The following ADGRL1 variants were observed in gnomAD, a reference collection of about 807,000 sequenced individuals.
The protein encoded by ADGRL1 is adhesion G protein-coupled receptor L1.
ADGRL1 carries 31 observed loss-of-function variants against 148.9 expected under a neutral mutation model. The observed-to-expected ratio is 0.21, with a 90% confidence interval of 0.16 to 0.28. The LOEUF (loss-of-function observed/expected upper bound fraction) is 0.28, where lower values mean the gene tolerates loss of function less well. Among genes scored for constraint, ADGRL1 ranks in the 10% least tolerant of loss-of-function variants. The pLI, the probability that ADGRL1 is intolerant of heterozygous loss-of-function variation, is 1.00. For synonymous variants in ADGRL1, 937 were observed against 900.3 expected (o/e 1.04, Z -0.73); for missense variants, 1,521 against 2,058.8 (o/e 0.74, Z 5.05).
chr19:14,155,965 A>G lies in ADGRL1; in HGVS notation c.3125+145T>C, dbSNP rs1469943631. 2 of 662,226 alleles carry G rather than the reference A, an allele frequency of 3.0e-6. No homozygotes were observed. Among genetic ancestry groups the G allele is most frequent in the Admixed American group, 2.2e-5 (1 of 45,672 alleles). The allele number at this position is 662,226 out of a possible 1,614,324, so 41.0% of individuals were successfully genotyped here. A position where few individuals can be genotyped will look rare whatever the true frequency, so the allele number is the denominator to read the frequency against. On this transcript the variant is annotated intron_variant, in intron 17 of 22. Coordinates refer to ENST00000361434, the MANE Select transcript of ADGRL1 (RefSeq NM_014921.5). This position sits in a 1 kb window ranked among gnomAD's most constrained non-coding sequence, Gnocchi z 5.0. ...ATTAAGTAGGTACATAGTGAACACA[A>G]TAGAACACCCCTGTTGGTACTTAAA...
Position 14,200,033 on chromosome 19 carries a change from T to C in ADGRL1, c.-96+5952A>G, listed in dbSNP as rs566863734. 1.2e-4 allele frequency among the ~76,000 whole-genome samples: 19 copies of C among 152,298 alleles called. 1 individual carries two copies. The East Asian group carries it at 3.3e-3, about 26-fold the overall frequency. ...ACAGGCATGAGCCACTGTGCCCGGC[T>C]GTTGCAATTTTCAACAGGATGATCA... On this transcript the variant is annotated intron_variant, in intron 1 of 22. Coordinates refer to ENST00000361434, the MANE Select transcript of ADGRL1 (RefSeq NM_014921.5).
At chr19:14,205,814 G>A (rs1431317184) in intron 1 of ADGRL1, among the ~76,000 whole-genome samples, 171 bp downstream of exon 1, 1 of 150,648 alleles carries the variant, frequency 6.6e-6, no homozygotes, top group Non-Finnish European at 1.5e-5. Context: ...GGCTGCCCCC[G>A]ACGCCCCTCC....
intron 1 of ADGRL1, among the ~76,000 whole-genome samples, chr19:14,187,073 C>T (rs1211265800): frequency 6.6e-6 from 1 of 152,224 alleles, no homozygotes; most frequent in Non-Finnish European, 1.5e-5. Context: ...CACGGTGGCC[C>T]GTGCCTGTAA....
At chr19:14,201,810 T>C (rs1179854935) in intron 1 of ADGRL1, among the ~76,000 whole-genome samples, 2 of 151,988 alleles carry the variant, frequency 1.3e-5, no homozygotes, top group South Asian at 2.1e-4. Flanking sequence ...CCTCGCGCGC[T>C]TGGATCCTCC....
Position 14,149,578 on chromosome 19 carries a change from C to G in ADGRL1, c.*1295G>C, listed in dbSNP as rs1473574609. 3 of 152,772 alleles carry G rather than the reference C, an allele frequency of 2.0e-5. No homozygotes were observed. The highest frequency in any genetic ancestry group is 7.2e-5 in the African/African-American group (3 of 41,442). 9.5% of individuals were successfully genotyped at this position (152,772 alleles called of 1,614,324 possible). A position where few individuals can be genotyped will look rare whatever the true frequency, so the allele number is the denominator to read the frequency against. On this transcript the variant is annotated 3_prime_UTR_variant, in exon 23 of 23. Transcript: ENST00000361434. ...TGGGTGTGAAGAGGTCTCCCCCGGG[C>G]CGGTGGGGAGGGAAGGGGGAGACAG...
Position 14,161,655 on chromosome 19 carries a change from C to A in ADGRL1, c.1196-29G>T, listed in dbSNP as rs367770430. On this transcript the variant is annotated intron_variant, in intron 5 of 22. Transcript: ENST00000361434. The surrounding 1 kb of genome is among the most constrained non-coding windows in gnomAD (Gnocchi z 4.4). The stretch of plus-strand genomic sequence containing the variant: ...GAGAGGGGATACGAGACAGGGTCAT[C>A]CCCATGCTCAGGGCCATGCCACAGT... The A allele has an allele frequency of 1.9e-4, 255 of 1,360,608 alleles. No individual in the cohort carries two copies. In the African/African-American group the frequency reaches 3.0e-3, roughly 16 times the overall value. 84.3% of individuals were successfully genotyped at this position (1,360,608 alleles called of 1,614,324 possible).
At chr19:14,193,286 A>C (rs955036707) in intron 1 of ADGRL1, among the ~76,000 whole-genome samples, 1 of 150,820 alleles carries the variant, frequency 6.6e-6, no homozygotes, top group Non-Finnish European at 1.5e-5. Flanking sequence ...AAAAAAAAAA[A>C]AAAAAAACTC....
At chr19:14,168,941 G>GC (rs1970235002) in intron 4 of ADGRL1, 2 of 152,234 alleles carry the variant, frequency 1.3e-5, no homozygotes, top group African/African-American at 4.8e-5. Flanking sequence ...CTGAAGTGAG[G>GC]CCACATGGCT....
rs1971498950 is a variant in ADGRL1 at position 14,185,052 on chromosome 19, G to C, written c.-95-1355C>G. Among the ~76,000 whole-genome samples, 3 of 152,008 alleles carry C rather than the reference G, an allele frequency of 2.0e-5. No homozygotes were observed. In the South Asian group the frequency reaches 6.2e-4, roughly 32 times the overall value. ...CCTGCCTGGGCCCCCCAAAACTTTG[G>C]GATTACAGGAGTGAGCCACTGTGCC... is the stretch of plus-strand genomic sequence containing the variant. On this transcript the variant is annotated intron_variant, in intron 1 of 22. Transcript: ENST00000361434.
intron 2 of ADGRL1, among the ~76,000 whole-genome samples, chr19:14,178,285 G>A (rs925876892): frequency 6.6e-6 from 1 of 152,040 alleles, no homozygotes; most frequent in Non-Finnish European, 1.5e-5. Flanking sequence ...TGGGCAAATC[G>A]CCTGAACCCA....
chr19:14,157,342 G>A lies in ADGRL1; in HGVS notation c.2654C>T (p.Thr885Ile). The A allele has an allele frequency of 6.2e-7, 1 of 1,614,186 alleles. No homozygotes were observed. The highest frequency in any genetic ancestry group is 8.5e-7 in the Non-Finnish European group (1 of 1,180,010). The change falls in exon 14 of 23, where the codon ACC becomes ATC. Residue 885 changes from threonine to isoleucine, a missense_variant. Thr to Ile is a moderately conservative substitution (Grantham distance 89). Coordinates refer to ENST00000361434, the MANE Select transcript of ADGRL1 (RefSeq NM_014921.5). This position sits in a 1 kb window ranked among gnomAD's most constrained non-coding sequence, Gnocchi z 7.5. ...GTTCTTGTGGATGGTGTTGCGGTCG[G>A]TCTGCAGCCCCCGCAGGAAGCAGAA... The part of the protein sequence containing the change: ...STFCFLRGLQ[T>I]DRNTIHKNLC...
At position 14,156,662 on chromosome 19, in the gene ADGRL1, A is replaced by G. The variant is rs1968792052; in HGVS notation, c.3029T>C (p.Ile1010Thr). The G allele has an allele frequency of 3.1e-6, 5 of 1,611,106 alleles. No individual in the cohort carries two copies. Among genetic ancestry groups the G allele is most frequent in the Admixed American group, 3.3e-5 (2 of 59,842 alleles). Residue 1010 changes from isoleucine to threonine, a missense_variant, in exon 16 of 23, where the codon ATC (isoleucine) becomes ACC (threonine). Transcript: ENST00000361434. ...GGGTGTCACCTCCCAACTCACCACG[A>G]TAACGAAGGAGACTGGCCCGATGAA... ...WSFIGPVSFVIVVNLVFLMVT... is the reference protein window; with the variant it reads ...WSFIGPVSFVTVVNLVFLMVT...
chr19:14,161,270 C>T lies in ADGRL1; in HGVS notation c.1510+42G>A. ...TGCATCTGTGCTAAGCTGCTGGGGG[C>T]ATGGCCCCCATCCCTCCCCTGGCTG... On this transcript the variant is annotated intron_variant, in intron 6 of 22. Transcript: ENST00000361434. This position sits in a 1 kb window ranked among gnomAD's most constrained non-coding sequence, Gnocchi z 4.4. 2 of 1,499,892 alleles carry T rather than the reference C, an allele frequency of 1.3e-6. No individual in the cohort carries two copies. Among genetic ancestry groups the T allele is most frequent in the East Asian group, 2.4e-5 (1 of 41,874 alleles). 92.9% of individuals were successfully genotyped at this position (1,499,892 alleles called of 1,614,324 possible).
In ADGRL1 at chr19:14,195,560, A is replaced by G. The variant is rs1053984413; in HGVS notation, c.-96+10425T>C. On this transcript the variant is annotated intron_variant, in intron 1 of 22. Transcript: ENST00000361434. ...GGCAGCAGCCGGCCCCTCCACACAC[A>G]GCCCTCTGGCTGCATCTCCTGCCTC... Among the ~76,000 whole-genome samples, 4 of 152,156 alleles carry G rather than the reference A, an allele frequency of 2.6e-5. No homozygotes were observed. In the East Asian group the frequency reaches 7.7e-4, roughly 29 times the overall value.
intron 1 of ADGRL1, among the ~76,000 whole-genome samples, chr19:14,184,353 G>A (rs911747708): frequency 1.3e-5 from 2 of 152,092 alleles, no homozygotes; most frequent in Non-Finnish European, 2.9e-5. Flanking sequence ...GGAGGGGTGA[G>A]AATTGTGTGC....
In ADGRL1 at chr19:14,162,592, T is replaced by G. The variant is rs974534915; in HGVS notation, c.1195+14A>C. ...GGCAAGCAGGCTCCATGCCTGGAAG[T>G]GAGTCGTCCTCACCAGCACTGGGGT... On this transcript the variant is annotated intron_variant, in intron 5 of 22. Transcript: ENST00000361434. This position sits in a 1 kb window ranked among gnomAD's most constrained non-coding sequence, Gnocchi z 5.4. 2.5e-6 allele frequency: 4 copies of G among 1,586,490 alleles called. No individual in the cohort carries two copies. Among genetic ancestry groups the G allele is most frequent in the Non-Finnish European group, 3.4e-6 (4 of 1,162,330 alleles).
At chr19:14,166,589 A>G (rs1212596222) in intron 4 of ADGRL1, among the ~76,000 whole-genome samples, 1 of 151,880 alleles carries the variant, frequency 6.6e-6, no homozygotes. Context: ...AGAAAGAGAG[A>G]GAGAGAGAGA....
intron 1 of ADGRL1, among the ~76,000 whole-genome samples, chr19:14,184,322 G>C (rs200004845): frequency 1.3e-5 from 2 of 152,152 alleles, no homozygotes; most frequent in South Asian, 2.1e-4. Context: ...CTCCCCCTCT[G>C]GGGGGGCCAG....
intron 1 of ADGRL1, 131 bp from the exon 2 acceptor site, chr19:14,183,828 C>A (rs1971391318): frequency 1.8e-6 from 1 of 549,458 alleles, no homozygotes; most frequent in Admixed American, 3.4e-5. Flanking sequence ...ATCTGTAGGG[C>A]CCCCTCCGGG....
Sources: allele counts gnomAD v4.1 joint callset (sites outside exome capture counted in the v4.1 genomes callset), GRCh38; gene constraint gnomAD v4.1.1; non-coding constraint Gnocchi (gnomAD v3.1); transcripts MANE v1.5; gene names NCBI Gene and HGNC (gene_info 2026-07-23, HGNC 2026-07-21).